Variants in TRAF3 observed in about 807,000 individuals in gnomAD.
The protein encoded by TRAF3 is TNF receptor-associated factor 3.
TRAF3 carries 13 observed loss-of-function variants against 62.3 expected under a neutral mutation model. The ratio of observed to expected loss-of-function variants is 0.21; its 90% confidence interval spans 0.14 to 0.33. The LOEUF (loss-of-function observed/expected upper bound fraction) is 0.33. Among genes scored for constraint, TRAF3 ranks in the 10% least tolerant of loss-of-function variants. TRAF3 has a pLI of 1.00. For missense variants in TRAF3, 440 were observed against 741.8 expected (o/e 0.59, Z 4.73); for synonymous variants, 269 against 283.4 (o/e 0.95, Z 0.51).
chr14:102,795,546 T>TTA (rs953975087), intron 1 of TRAF3, among the ~76,000 whole-genome samples: 2 of 151,630 alleles, frequency 1.3e-5, no homozygotes, highest in Admixed American at 6.6e-5. Flanking sequence ...TACTGTGGTG[T>TTA]TATATATATA....
intron 6 of TRAF3, 81 bp from the exon 7 acceptor site, chr14:102,886,107 TG>T: frequency 2.9e-6 from 4 of 1,396,436 alleles, no homozygotes; most frequent in Non-Finnish European, 3.0e-6. Context: ...GAGCCATTCC[TG>T]GGGGCCCCAT....
intron 3 of TRAF3, 26 bp downstream of exon 3, chr14:102,870,472 C>A: frequency 1.2e-6 from 2 of 1,610,578 alleles, no homozygotes; most frequent in Non-Finnish European, 1.7e-6. Context: ...CGGCCCGTCG[C>A]CCGGCCCCTT....
At chr14:102,901,945 C>T (rs769551402) in intron 10 of TRAF3, among the ~76,000 whole-genome samples, 44 of 152,226 alleles carry the variant, frequency 2.9e-4, no homozygotes, top group Non-Finnish European at 1.2e-4. Context: ...GAGCACTGAA[C>T]TCTCCAGCCA....
At chr14:102,811,560 T>G (rs907762007) in intron 1 of TRAF3, among the ~76,000 whole-genome samples, 7 of 149,490 alleles carry the variant, frequency 4.7e-5, no homozygotes, top group Middle Eastern at 3.4e-3. Context: ...GTTTTTTTTT[T>G]TTTTTTTTTT....
At chr14:102,815,666 T>C (rs770046251) in intron 1 of TRAF3, among the ~76,000 whole-genome samples, 1 of 152,228 alleles carries the variant, frequency 6.6e-6, no homozygotes, top group Non-Finnish European at 1.5e-5. Flanking sequence ...CTCATACTGC[T>C]ATAAAGAAAT....
chr14:102,835,773 G>A (rs1050117701), intron 2 of TRAF3, among the ~76,000 whole-genome samples: 1 of 152,186 alleles, frequency 6.6e-6, no homozygotes, highest in Non-Finnish European at 1.5e-5. Flanking sequence ...GGTGGGAAGA[G>A]GGAGAGGATC....
At chr14:102,785,100 AT>A (rs2140064825) in intron 1 of TRAF3, among the ~76,000 whole-genome samples, 1 of 152,250 alleles carries the variant, frequency 6.6e-6, no homozygotes, top group South Asian at 2.1e-4. Flanking sequence ...GCAGTTTTAG[AT>A]TTTCTTCAGA....
At chr14:102,800,627 T>C (rs1018592608) in intron 1 of TRAF3, among the ~76,000 whole-genome samples, 2 of 152,166 alleles carry the variant, frequency 1.3e-5, no homozygotes, top group African/African-American at 4.8e-5. Flanking sequence ...ATAATCTCTA[T>C]TCCACTTAAT....
intron 1 of TRAF3, among the ~76,000 whole-genome samples, chr14:102,781,241 C>A (rs1407920103): frequency 6.6e-6 from 1 of 152,208 alleles, no homozygotes; most frequent in Non-Finnish European, 1.5e-5. Context: ...CACTCCTTGC[C>A]AGTAGATGCA....
chr14:102,875,547 T>C, intron 4 of TRAF3, 77 bp from the exon 5 acceptor site: 4 of 1,285,410 alleles, frequency 3.1e-6, no homozygotes, highest in Non-Finnish European at 3.3e-6. Flanking sequence ...TTTTAAGTGG[T>C]TTTGCCTTGT....
chr14:102,843,603 G>T (rs934433030), intron 2 of TRAF3, among the ~76,000 whole-genome samples: 3 of 152,196 alleles, frequency 2.0e-5, no homozygotes, highest in African/African-American at 7.2e-5. Context: ...CTCCCAAAGT[G>T]CTGGGATTAC....
chr14:102,895,178 G>A (rs941248168), intron 9 of TRAF3: 1 of 452,772 alleles, frequency 2.2e-6, no homozygotes, highest in African/African-American at 2.0e-5. Flanking sequence ...TGCTGCATAT[G>A]GCCCGCTCCA....
At chr14:102,886,838 A>G (rs1014301298) in intron 7 of TRAF3, among the ~76,000 whole-genome samples, 2 of 152,242 alleles carry the variant, frequency 1.3e-5, no homozygotes, top group Non-Finnish European at 2.9e-5. Context: ...AATATTTTAC[A>G]TACAGTACAA....
chr14:102,878,196 C>G (rs1415499924), intron 6 of TRAF3, among the ~76,000 whole-genome samples: 1 of 152,184 alleles, frequency 6.6e-6, no homozygotes, highest in Non-Finnish European at 1.5e-5. Context: ...TATTACAGCT[C>G]TGTGACATAA....
intron 2 of TRAF3, among the ~76,000 whole-genome samples, chr14:102,858,990 G>T (rs1164449729): frequency 7.9e-5 from 12 of 152,162 alleles, no homozygotes; most frequent in Non-Finnish European, 1.6e-4. Flanking sequence ...TTAAAGAGCA[G>T]ATCAGTGCTC....
chr14:102,834,698 A>AAAAAG lies in TRAF3; in HGVS notation c.-18+4230_-18+4231insGAAAA, dbSNP rs1261816654. Among the ~76,000 whole-genome samples the AAAAAG allele has an allele frequency of 2.7e-5, 4 of 150,866 alleles. No homozygotes were observed. The East Asian group carries it at 7.8e-4, about 29-fold the overall frequency. On this transcript the variant is annotated intron_variant, in intron 2 of 11. Coordinates refer to ENST00000392745, the MANE Select transcript of TRAF3 (RefSeq NM_145725.3). ...GCGAGACTCCGTCTCAAAAAAAAAAAAAAAAAAAAGAAATTGGACCCCTTC... is the reference window on the plus strand; with the variant it reads ...GCGAGACTCCGTCTCAAAAAAAAAAAAAAAGAAAAAAAAAGAAATTGGACCCCTTC...
chr14:102,880,646 G>T (rs368575166), intron 6 of TRAF3, among the ~76,000 whole-genome samples: 4 of 152,282 alleles, frequency 2.6e-5, no homozygotes, highest in African/African-American at 9.6e-5. Context: ...CTATTATAAG[G>T]ATACATGCAC....
intron 1 of TRAF3, among the ~76,000 whole-genome samples, chr14:102,797,484 G>T (rs563941023): frequency 6.6e-6 from 1 of 152,272 alleles, no homozygotes; most frequent in East Asian, 1.9e-4. Context: ...AGGAGGAGGA[G>T]GAGATAGTGG....
At chr14:102,845,585 G>C (rs937578415) in intron 2 of TRAF3, among the ~76,000 whole-genome samples, 2 of 149,874 alleles carry the variant, frequency 1.3e-5, no homozygotes, top group East Asian at 4.0e-4. Context: ...GCGCCATCTC[G>C]GCTCACTGCA....
Sources: gnomAD v4.1 joint callset for allele counts (sites outside exome capture counted in the v4.1 genomes callset) on GRCh38, gnomAD v4.1.1 for gene constraint, MANE v1.5 for transcripts, NCBI Gene and HGNC (gene_info 2026-07-23, HGNC 2026-07-21) for gene names.